MEGF11: variants seen among roughly 807,000 people sequenced by gnomAD.
MEGF11 encodes the protein multiple epidermal growth factor-like domains protein 11.
Under a neutral mutation model 146.6 loss-of-function variants are expected in MEGF11, and 126 were observed. The ratio of observed to expected loss-of-function variants is 0.86; its 90% CI spans 0.74 to 1.00. The LOEUF (loss-of-function observed/expected upper bound fraction) is 1.00, where lower values mean the gene tolerates loss of function less well. Ranked by LOEUF, MEGF11 falls within the 50% of genes least tolerant of loss-of-function variation. MEGF11 has a pLI of 0.00. For synonymous variants in MEGF11, 532 were observed against 583.4 expected (o/e 0.91, Z 1.27); for missense variants, 1,509 against 1,521.2 (o/e 0.99, Z 0.13).
chr15:66,057,472 G>A (rs1260428154), intron 5 of MEGF11, among the ~76,000 whole-genome samples: 2 of 152,164 alleles, frequency 1.3e-5, no homozygotes, highest in Non-Finnish European at 2.9e-5. Flanking sequence ...AGGATACCTT[G>A]TAATCACTTG....
intron 17 of MEGF11, 130 bp from the exon 18 acceptor site, chr15:65,916,406 A>G: frequency 8.4e-7 from 1 of 1,186,050 alleles, no homozygotes; most frequent in Non-Finnish European, 1.2e-6. Context: ...ACCCTGCACC[A>G]GAGTTGTCTC....
chr15:65,998,944 T>G (rs2082278464), intron 5 of MEGF11, among the ~76,000 whole-genome samples: 1 of 152,156 alleles, frequency 6.6e-6, no homozygotes, highest in South Asian at 2.1e-4. Flanking sequence ...CTAATGACCT[T>G]CACTTGGTAG....
At chr15:65,932,103 G>A (rs1484387765) in intron 10 of MEGF11, among the ~76,000 whole-genome samples, 3 of 152,158 alleles carry the variant, frequency 2.0e-5, no homozygotes, top group Non-Finnish European at 4.4e-5. Context: ...TAAGGGAGGC[G>A]GTCGAGGCTG....
intron 7 of MEGF11, among the ~76,000 whole-genome samples, chr15:65,980,395 C>CTTTTTTTTTTTTT (rs60154748): frequency 2.0e-4 from 18 of 88,194 alleles, no homozygotes; most frequent in Admixed American, 4.8e-4. Context: ...AAGAATTCAG[C>CTTTTTTTTTTTTT]TTTTTTTTTT....
At chr15:65,958,568 G>T (rs1316996891) in intron 9 of MEGF11, among the ~76,000 whole-genome samples, 1 of 152,170 alleles carries the variant, frequency 6.6e-6, no homozygotes, top group Non-Finnish European at 1.5e-5. Context: ...ACTTCCAGCT[G>T]GAACACAGCA....
chr15:66,021,105 T>C (rs2083108918), intron 5 of MEGF11, among the ~76,000 whole-genome samples: 1 of 149,982 alleles, frequency 6.7e-6, no homozygotes, highest in Non-Finnish European at 1.5e-5. Context: ...AGGACACTGG[T>C]CCTGAGAAAT....
At chr15:65,969,390 C>CA (rs1319426480) in intron 8 of MEGF11, among the ~76,000 whole-genome samples, 2 of 152,114 alleles carry the variant, frequency 1.3e-5, no homozygotes, top group Non-Finnish European at 2.9e-5. Flanking sequence ...AACATGCACT[C>CA]AATGTTTCAG....
At chr15:66,007,716 C>T (rs2082562691) in intron 5 of MEGF11, among the ~76,000 whole-genome samples, 1 of 152,158 alleles carries the variant, frequency 6.6e-6, no homozygotes, top group Middle Eastern at 3.2e-3. Context: ...TGTGCCACTG[C>T]ACTCCAGCCT....
At chr15:66,026,235 A>T (rs1323645931) in intron 5 of MEGF11, among the ~76,000 whole-genome samples, 1 of 152,208 alleles carries the variant, frequency 6.6e-6, no homozygotes, top group Non-Finnish European at 1.5e-5. Context: ...TCTTGTTAAA[A>T]TGCAAATTCT....
chr15:66,188,408 C>G (rs889297989), intron 1 of MEGF11, among the ~76,000 whole-genome samples: 2 of 151,940 alleles, frequency 1.3e-5, no homozygotes, highest in Non-Finnish European at 2.9e-5. Flanking sequence ...AAAAAAAAAC[C>G]TTGCCAGGTT....
intron 5 of MEGF11, among the ~76,000 whole-genome samples, chr15:66,008,025 G>A (rs2082572902): frequency 6.6e-6 from 1 of 152,176 alleles, no homozygotes; most frequent in South Asian, 2.1e-4. Context: ...TTCCAAGGAG[G>A]ATGTATGGGA....
intron 1 of MEGF11, among the ~76,000 whole-genome samples, chr15:66,180,733 T>A (rs972336718): frequency 5.9e-5 from 9 of 152,234 alleles, no homozygotes; most frequent in African/African-American, 2.2e-4. Flanking sequence ...AAAGCCACAC[T>A]GAGTTTATTT....
chr15:66,215,239 C>T (rs928972567), intron 1 of MEGF11, among the ~76,000 whole-genome samples: 20 of 152,074 alleles, frequency 1.3e-4, no homozygotes, highest in Admixed American at 1.2e-3. Flanking sequence ...TTTGTATCTT[C>T]GCATTGGTCT....
chr15:66,041,235 T>C (rs1597020109), intron 5 of MEGF11, among the ~76,000 whole-genome samples: 1 of 152,192 alleles, frequency 6.6e-6, no homozygotes, highest in South Asian at 2.1e-4. Flanking sequence ...CTTTGGTAAG[T>C]TGATCGACTG....
chr15:66,177,805 C>T (rs61212481), intron 1 of MEGF11, among the ~76,000 whole-genome samples: 29,653 of 151,770 alleles, frequency 0.2, 3,139 homozygotes, highest in South Asian at 0.31. Context: ...CTTCCTCAGC[C>T]CCTAGTGTAG....
chr15:66,009,253 T>G (rs1320994204), intron 5 of MEGF11, among the ~76,000 whole-genome samples: 4 of 151,926 alleles, frequency 2.6e-5, no homozygotes, highest in Admixed American at 6.6e-5. Context: ...TTTTTTTTTT[T>G]TTTTTTTTTT....
In MEGF11 at chr15:66,070,564, G is replaced by T. The variant is rs8033704; in HGVS notation, c.394+23838C>A. Among the ~76,000 whole-genome samples, 1,446 of 152,352 alleles carry T rather than the reference G, an allele frequency of 9.5e-3. 24 individuals carry two copies. The highest frequency in any genetic ancestry group is 0.033 in the African/African-American group (1,374 of 41,578). ...CTGTATTCTACAAGAGGCTGGCTCTGGTGGTGGTGGGGGGTATCTTTGTAA... is the reference window on the plus strand; with the variant it reads ...CTGTATTCTACAAGAGGCTGGCTCTTGTGGTGGTGGGGGGTATCTTTGTAA... On this transcript the variant is annotated intron_variant, in intron 5 of 25. Transcript: ENST00000395614.
intron 5 of MEGF11, among the ~76,000 whole-genome samples, chr15:66,052,084 T>A (rs1427347070): frequency 6.6e-6 from 1 of 152,130 alleles, no homozygotes; most frequent in Non-Finnish European, 1.5e-5. Flanking sequence ...CAGGTGAGAT[T>A]TATGTGGGTA....
At chr15:66,171,423 G>A (rs79810850) in intron 1 of MEGF11, among the ~76,000 whole-genome samples, 2 of 144,514 alleles carry the variant, frequency 1.4e-5, no homozygotes, top group African/African-American at 4.9e-5. Flanking sequence ...TGATGAAAAC[G>A]CCCCTTGCTC....
Sources: allele counts gnomAD v4.1 joint callset (sites outside exome capture counted in the v4.1 genomes callset), GRCh38; gene constraint gnomAD v4.1.1; transcripts MANE v1.5; gene names NCBI Gene and HGNC (gene_info 2026-07-23, HGNC 2026-07-21).